The following UGT3A1 variants were observed in gnomAD, a reference collection of about 807,000 sequenced individuals.
The protein encoded by UGT3A1 is UDP-glycosyltransferase 3A1.
Under a neutral mutation model 37.6 loss-of-function variants are expected in UGT3A1, and 40 were observed. The ratio of observed to expected loss-of-function variants is 1.06; its 90% CI spans 0.83 to 1.38. The LOEUF (loss-of-function observed/expected upper bound fraction) is 1.38. Ranked by LOEUF, UGT3A1 falls within the 40% of genes most tolerant of loss-of-function variation. The pLI, the probability that UGT3A1 is intolerant of heterozygous loss-of-function variation, is 0.00. For missense variants in UGT3A1, 642 were observed against 634.2 expected (o/e 1.01, Z -0.13); for synonymous variants, 256 against 232.3 (o/e 1.10, Z -0.93).
intron 1 of UGT3A1, among the ~76,000 whole-genome samples, chr5:35,989,988 AG>A (rs1740874023): frequency 1.3e-5 from 2 of 151,672 alleles, no homozygotes; most frequent in Admixed American, 1.3e-4. Context: ...GCTACTCGGG[AG>A]GCTGAGGCAG....
chr5:35,989,815 AG>A (rs1217157572), intron 1 of UGT3A1, among the ~76,000 whole-genome samples: 1 of 152,196 alleles, frequency 6.6e-6, no homozygotes, highest in Non-Finnish European at 1.5e-5. Context: ...AGCGGGGAAA[AG>A]ACTTCAAATG....
Position 35,991,128 on chromosome 5 carries a change from T to C in UGT3A1, c.94+19A>G. On this transcript the variant is annotated intron_variant, in intron 1 of 6. Transcript: ENST00000274278. ...ATCCGGGACGCGCCTGTCTGGGAATTCTCCGGCCAAGCACTCACCCAGTGT... is the reference window on the plus strand; with the variant it reads ...ATCCGGGACGCGCCTGTCTGGGAATCCTCCGGCCAAGCACTCACCCAGTGT... 2 of 1,614,130 alleles carry C rather than the reference T, an allele frequency of 1.2e-6. No homozygotes were observed. Among genetic ancestry groups the C allele is most frequent in the South Asian group, 2.2e-5 (2 of 91,084 alleles).
chr5:35,991,355 G>T lies in UGT3A1; in HGVS notation c.-115C>A. 1 of 1,515,704 alleles carries T rather than the reference G, an allele frequency of 6.6e-7. No homozygotes were observed. Among genetic ancestry groups the T allele is most frequent in the Admixed American group, 2.3e-5 (1 of 43,722 alleles). The allele number at this position is 1,515,704 out of a possible 1,614,324, so 93.9% of individuals were successfully genotyped here. On this transcript the variant is annotated 5_prime_UTR_variant, in exon 1 of 7. Coordinates refer to ENST00000274278, the MANE Select transcript of UGT3A1 (RefSeq NM_152404.4). ...GCACTGGCTGTGGGCCTAGGAAGAG[G>T]TAGGAGACGGATCCTGCCAATTCTC...
chr5:36,000,282 A>G (rs1256758717), intron 1 of UGT3A1, among the ~76,000 whole-genome samples: 1 of 152,214 alleles, frequency 6.6e-6, no homozygotes, highest in Non-Finnish European at 1.5e-5. Context: ...CAAGGGAGAT[A>G]TATTGCAATA....
rs1164508182 is a variant in UGT3A1 at position 35,954,389 on chromosome 5, A to T, written c.1385T>A (p.Ile462Asn). 2 of 1,614,198 alleles carry T rather than the reference A, an allele frequency of 1.2e-6. No individual in the cohort carries two copies. The highest frequency in any genetic ancestry group is 1.7e-6 in the Non-Finnish European group (2 of 1,180,018). Residue 462 changes from isoleucine to asparagine, a missense_variant, in exon 7 of 7, where the codon ATC becomes AAC. Transcript: ENST00000274278. ...GTGCGTCGCTCCCCCAGTCTGGAGG[A>T]TGTGGTCGATCCAGCCCACCAGCCG... is the stretch of plus-strand genomic sequence containing the variant. ...AQRLVGWIDH[I>N]LQTGGATHLK...
At chr5:35,957,162 G>A in intron 5 of UGT3A1, 26 bp downstream of exon 5, 1 of 1,600,602 alleles carries the variant, frequency 6.2e-7, no homozygotes, top group Non-Finnish European at 8.6e-7. Context: ...AATGGAAAGA[G>A]AAGAGCAGAC....
intron 2 of UGT3A1, among the ~76,000 whole-genome samples, chr5:35,976,751 G>T (rs1287352042): frequency 1.3e-5 from 2 of 151,850 alleles, no homozygotes; most frequent in Non-Finnish European, 1.5e-5. Flanking sequence ...TAAGAGGATT[G>T]CTTTAGCCCA....
chr5:35,993,013 C>T (rs979349029), upstream of UGT3A1, among the ~76,000 whole-genome samples: 1 of 152,114 alleles, frequency 6.6e-6, no homozygotes, highest in Non-Finnish European at 1.5e-5. Flanking sequence ...TTCACCGTGG[C>T]AATGCAAATT....
In UGT3A1 at chr5:35,991,146, C is replaced by T; in HGVS notation, c.94+1G>A. ...TGGGAATTCTCCGGCCAAGCACTCA[C>T]CCAGTGTAGATATTGTCAGGATTTT... On this transcript the variant is annotated splice_donor_variant, in intron 1 of 6. Coordinates refer to ENST00000274278, the MANE Select transcript of UGT3A1 (RefSeq NM_152404.4). LOFTEE classifies it high-confidence loss of function. The T allele has an allele frequency of 1.2e-6, 2 of 1,614,250 alleles. No homozygotes were observed. The highest frequency in any genetic ancestry group is 1.1e-5 in the South Asian group (1 of 91,088).
chr5:35,960,129 A>G (rs1321964780), intron 4 of UGT3A1, among the ~76,000 whole-genome samples: 2 of 152,234 alleles, frequency 1.3e-5, no homozygotes, highest in African/African-American at 4.8e-5. Context: ...GGATGTACAT[A>G]TTCTATACAA....
intron 4 of UGT3A1, among the ~76,000 whole-genome samples, chr5:35,965,160 C>G (rs1358270567): frequency 6.6e-6 from 1 of 152,310 alleles, no homozygotes; most frequent in African/African-American, 2.4e-5. Flanking sequence ...CAGGGCATGG[C>G]AAGAGAGGAG....
intron 2 of UGT3A1, among the ~76,000 whole-genome samples, chr5:35,984,320 C>A (rs1328556819): frequency 6.6e-6 from 1 of 152,096 alleles, no homozygotes; most frequent in African/African-American, 2.4e-5. Context: ...AATTGATGCT[C>A]AGTCTTATTT....
At chr5:35,963,123 G>A (rs559652333) in intron 4 of UGT3A1, among the ~76,000 whole-genome samples, 50 of 152,338 alleles carry the variant, frequency 3.3e-4, no homozygotes, top group African/African-American at 1.2e-3. Context: ...CACCCGTGAA[G>A]CAGGGTGGGG....
chr5:35,956,768 G>A (rs890586686), intron 5 of UGT3A1, among the ~76,000 whole-genome samples: 8 of 152,174 alleles, frequency 5.3e-5, no homozygotes, highest in African/African-American at 1.7e-4. Flanking sequence ...GTGTGTTTGT[G>A]TAATGGCACA....
intron 2 of UGT3A1, among the ~76,000 whole-genome samples, chr5:35,985,623 A>G (rs1321559783): frequency 6.6e-6 from 1 of 152,206 alleles, no homozygotes; most frequent in Admixed American, 6.5e-5. Context: ...CTTTACAATA[A>G]ATGGTGCTGG....
At chr5:35,982,124 A>T (rs897846306) in intron 2 of UGT3A1, among the ~76,000 whole-genome samples, 5 of 152,248 alleles carry the variant, frequency 3.3e-5, no homozygotes, top group African/African-American at 1.2e-4. Flanking sequence ...AAATGCCTTC[A>T]TGTCCAGGTA....
At chr5:35,988,353 A>G (rs563128910) in intron 2 of UGT3A1, 97 bp downstream of exon 2, 2 of 822,446 alleles carry the variant, frequency 2.4e-6, no homozygotes, top group Middle Eastern at 3.2e-4. Flanking sequence ...ATAAGACTAG[A>G]TTCAAAGAAG....
intron 2 of UGT3A1, among the ~76,000 whole-genome samples, chr5:35,977,513 G>T (rs887634429): frequency 3.3e-5 from 5 of 152,076 alleles, no homozygotes; most frequent in African/African-American, 7.2e-5. Context: ...CACAAGAGCT[G>T]GTTATTTAAA....
chr5:35,979,523 A>G (rs2149981022), intron 2 of UGT3A1, among the ~76,000 whole-genome samples: 1 of 152,086 alleles, frequency 6.6e-6, no homozygotes, highest in Non-Finnish European at 1.5e-5. Flanking sequence ...ATCTGAAACC[A>G]CCTCAGCCTG....
Sources: gnomAD v4.1 joint callset for allele counts (sites outside exome capture counted in the v4.1 genomes callset) on GRCh38, gnomAD v4.1.1 for gene constraint, MANE v1.5 for transcripts, NCBI Gene and HGNC (gene_info 2026-07-23, HGNC 2026-07-21) for gene names.